The following PHF2 variants were observed in gnomAD, a reference collection of about 807,000 sequenced individuals.
PHF2 encodes PHD finger protein 2.
Under a neutral mutation model 120.5 loss-of-function variants are expected in PHF2, and 27 were observed. That is an observed-to-expected ratio of 0.22 (90% confidence interval 0.17 to 0.31). The LOEUF (loss-of-function observed/expected upper bound fraction) is 0.31. Ranked by LOEUF, PHF2 falls within the 10% of genes least tolerant of loss-of-function variation. The probability of loss-of-function intolerance (pLI) is 1.00; values close to 1 mark genes in which losing one functional copy is unlikely to be tolerated. For missense variants in PHF2, 1,024 were observed against 1,434.8 expected, an observed-to-expected ratio of 0.71 and a Z score of 4.63; for synonymous variants, 568 against 592.5, an observed-to-expected ratio of 0.96 and a Z score of 0.60.
chr9:93,598,132 C>T (rs977094444), intron 1 of PHF2, among the ~76,000 whole-genome samples: 8 of 152,146 alleles, frequency 5.3e-5, no homozygotes, highest in African/African-American at 1.4e-4. Context: ...AGGCCCCTTG[C>T]GGGGAGGCCT....
chr9:93,610,759 C>G (rs1166824811), intron 1 of PHF2, among the ~76,000 whole-genome samples: 1 of 150,910 alleles, frequency 6.6e-6, no homozygotes, highest in East Asian at 1.9e-4. Context: ...TATATGCTTG[C>G]CCCCCTGCTT....
intron 17 of PHF2, among the ~76,000 whole-genome samples, chr9:93,667,636 G>A (rs1308173124): frequency 6.6e-6 from 1 of 152,172 alleles, no homozygotes; most frequent in Non-Finnish European, 1.5e-5. Context: ...GCCATGGGGA[G>A]CACAGCCCTC....
At position 93,675,827 on chromosome 9, in the gene PHF2, C is replaced by T. The variant is rs1587725070; in HGVS notation, c.2832+38C>T. ...GAGAAGGACACACGGCAGCCAGGTCCCTGCTACCCCCACCTGGTGGGCTCA... is the reference window on the plus strand; with the variant it reads ...GAGAAGGACACACGGCAGCCAGGTCTCTGCTACCCCCACCTGGTGGGCTCA... On this transcript the variant is annotated intron_variant, in intron 20 of 21. Coordinates refer to ENST00000359246, the MANE Select transcript of PHF2 (RefSeq NM_005392.4). The T allele has an allele frequency of 2.7e-6, 4 of 1,498,284 alleles. No homozygotes were observed. The East Asian group carries it at 6.8e-5, about 25-fold the overall frequency. 92.8% of individuals were successfully genotyped at this position (1,498,284 alleles called of 1,614,324 possible).
Position 93,673,859 on chromosome 9 carries a change from T to C in PHF2, c.2623T>C (p.Tyr875His). The C allele has an allele frequency of 6.3e-6, 10 of 1,588,968 alleles. No homozygotes were observed. Among genetic ancestry groups the C allele is most frequent in the Non-Finnish European group, 8.6e-6 (10 of 1,162,922 alleles). The change falls in exon 18 of 22, where the codon TAC becomes CAC. Residue 875 changes from tyrosine to histidine, a missense_variant. This residue lies in a region of PHF2 where 677 missense variants were observed against 857.4 expected (regional missense o/e 0.79). Transcript: ENST00000359246. ...GGATGCCTGCTTCAAGGACTCAGAC[T>C]ACGGTGAGTGTCACTCCTGCGTGGG... ...HLDACFKDSD[Y>H]VYPSLESDED...
intron 2 of PHF2, among the ~76,000 whole-genome samples, chr9:93,632,645 A>G (rs1826020610): frequency 6.6e-6 from 1 of 151,962 alleles, no homozygotes; most frequent in African/African-American, 2.4e-5. Flanking sequence ...ATTCAGGAGG[A>G]CTTTACCCTC....
chr9:93,636,603 A>C, intron 3 of PHF2, 78 bp downstream of exon 3: 1 of 1,045,462 alleles, frequency 9.6e-7, no homozygotes, highest in Non-Finnish European at 1.4e-6. Flanking sequence ...CCCGCTATCC[A>C]TTGCTGGGGG....
intron 7 of PHF2, 83 bp from the exon 8 acceptor site, chr9:93,655,851 T>C: frequency 9.9e-7 from 1 of 1,005,480 alleles, no homozygotes; most frequent in Non-Finnish European, 1.5e-6. Context: ...TGTGCTGGTC[T>C]CCGCCGCTCC....
In PHF2 at chr9:93,663,502, G is replaced by C. The variant is rs1274700398; in HGVS notation, c.1819-15G>C. ...CTGTGTGGGGCTCAGGGACGGCCCT[G>C]GTCTTGCTTTTCAGAACAGCAAACC... On this transcript the variant is annotated splice_polypyrimidine_tract_variant and intron_variant, in intron 13 of 21. Transcript: ENST00000359246. The C allele has an allele frequency of 7.7e-6, 12 of 1,550,496 alleles. No individual in the cohort carries two copies. The highest frequency in any genetic ancestry group is 1.1e-5 in the Non-Finnish European group (12 of 1,125,192).
intron 1 of PHF2, among the ~76,000 whole-genome samples, chr9:93,609,987 G>A (rs376585897): frequency 2.0e-5 from 3 of 152,070 alleles, no homozygotes; most frequent in African/African-American, 7.2e-5. Context: ...GAGCCACCGC[G>A]CCTGACCTCC....
chr9:93,657,287 C>A (rs1826478341), intron 9 of PHF2, among the ~76,000 whole-genome samples: 1 of 152,172 alleles, frequency 6.6e-6, no homozygotes, highest in Non-Finnish European at 1.5e-5. Flanking sequence ...TTTATGCAGA[C>A]CCTTTGTACT....
At chr9:93,602,540 A>C (rs1825461677) in intron 1 of PHF2, among the ~76,000 whole-genome samples, 2 of 151,980 alleles carry the variant, frequency 1.3e-5, no homozygotes, top group African/African-American at 4.8e-5. Flanking sequence ...GGTGTGAGCC[A>C]CCACACCTGG....
At chr9:93,654,669 G>T in intron 7 of PHF2, 94 bp downstream of exon 7, 2 of 1,220,172 alleles carry the variant, frequency 1.6e-6, no homozygotes, top group South Asian at 1.3e-5. Context: ...CCCACCATGG[G>T]GTCTCTTCGG....
At chr9:93,588,616 G>A (rs1397700323) in intron 1 of PHF2, among the ~76,000 whole-genome samples, 1 of 152,194 alleles carries the variant, frequency 6.6e-6, no homozygotes. Flanking sequence ...TATGGGCTGG[G>A]CACGGTGGCT....
At chr9:93,611,902 G>A (rs1172330269) in intron 1 of PHF2, among the ~76,000 whole-genome samples, 1 of 152,186 alleles carries the variant, frequency 6.6e-6, no homozygotes, top group Admixed American at 6.5e-5. Flanking sequence ...TGTCTCCAGT[G>A]AGAAGCTTGC....
chr9:93,601,565 G>T (rs1255727995), intron 1 of PHF2, among the ~76,000 whole-genome samples: 1 of 152,086 alleles, frequency 6.6e-6, no homozygotes, highest in African/African-American at 2.4e-5. Context: ...GGCTCTGTGT[G>T]GTTGGCAGGA....
chr9:93,633,528 C>T (rs1826038911), intron 2 of PHF2, among the ~76,000 whole-genome samples: 1 of 152,218 alleles, frequency 6.6e-6, no homozygotes, highest in Non-Finnish European at 1.5e-5. Context: ...TGTGTTGTCA[C>T]AGGGGCGCTG....
In PHF2 at chr9:93,663,603, C is replaced by A; in HGVS notation, c.1905C>A (p.Phe635Leu). ...SPLAGNKDNK[F>L]SFSFSNKKLL... ...TAGCTGGAAACAAAGACAATAAGTT[C>A]TCTTTTTCTTTCTCCAACAAGAAAC... The change falls in exon 14 of 22, where the codon TTC becomes TTA. Residue 635 changes from phenylalanine to leucine, a missense_variant. Coordinates refer to ENST00000359246, the MANE Select transcript of PHF2 (RefSeq NM_005392.4). 1 of 1,612,902 alleles carries A rather than the reference C, an allele frequency of 6.2e-7. No homozygotes were observed. Among genetic ancestry groups the A allele is most frequent in the South Asian group, 1.1e-5 (1 of 90,912 alleles).
chr9:93,672,588 G>T, intron 17 of PHF2: 1 of 984,850 alleles, frequency 1.0e-6, no homozygotes, highest in Non-Finnish European at 1.2e-6. Context: ...GTAGGCACCA[G>T]TGTAGATGGA....
At chr9:93,577,231 G>T (rs962416060) in intron 1 of PHF2, among the ~76,000 whole-genome samples, 25 of 151,274 alleles carry the variant, frequency 1.7e-4, no homozygotes, top group Non-Finnish European at 3.4e-4. Context: ...CCGGGCATCC[G>T]GAGGGAGGCC....
Sources: gnomAD v4.1 joint callset for allele counts (sites outside exome capture counted in the v4.1 genomes callset) on GRCh38, gnomAD v4.1.1 for gene constraint, gnomAD v4.1.1 regional missense constraint, MANE v1.5 for transcripts, NCBI Gene and HGNC (gene_info 2026-07-23, HGNC 2026-07-21) for gene names.